PCCB: variants seen among roughly 807,000 people sequenced by gnomAD.
PCCB encodes the protein propionyl-CoA carboxylase beta chain, mitochondrial.
Under a neutral mutation model 60.7 loss-of-function variants are expected in PCCB, and 43 were observed. The ratio of observed to expected loss-of-function variants is 0.71; its 90% confidence interval spans 0.55 to 0.91. The LOEUF (loss-of-function observed/expected upper bound fraction) is 0.91. Among genes scored for constraint, PCCB ranks in the 40% least tolerant of loss-of-function variants. The pLI is 0.00. For synonymous variants in PCCB, 276 were observed against 255.9 expected (o/e 1.08, Z -0.75); for missense variants, 766 against 702.8 (o/e 1.09, Z -1.02).
intron 10 of PCCB, chr3:136,326,337 T>G: frequency 1.4e-6 from 1 of 702,854 alleles, no homozygotes; most frequent in East Asian, 2.7e-5. Flanking sequence ...TTCCATTTCC[T>G]TTACTCCTTG....
At chr3:136,251,316 C>T (rs1249456263) in intron 1 of PCCB, 6 of 456,518 alleles carry the variant, frequency 1.3e-5, no homozygotes, top group Non-Finnish European at 2.2e-5. Flanking sequence ...TGAAACCAGG[C>T]TTGCCCAGTG....
chr3:136,266,811 T>C (rs529370742), intron 5 of PCCB, among the ~76,000 whole-genome samples: 1 of 152,330 alleles, frequency 6.6e-6, no homozygotes, highest in South Asian at 2.1e-4. Flanking sequence ...TCCTTTATCA[T>C]ATATATGATT....
At chr3:136,274,972 G>A (rs1159707137) in intron 5 of PCCB, among the ~76,000 whole-genome samples, 19 of 151,806 alleles carry the variant, frequency 1.3e-4, no homozygotes, top group African/African-American at 2.7e-4. Flanking sequence ...CACCACTCCC[G>A]GCTAATTTTT....
intron 9 of PCCB, among the ~76,000 whole-genome samples, chr3:136,311,119 A>G (rs1934646368): frequency 6.6e-6 from 1 of 152,152 alleles, no homozygotes; most frequent in South Asian, 2.1e-4. Context: ...GCCTTGGGAG[A>G]GATGTCAAGC....
At chr3:136,273,667 C>T (rs1372477954) in intron 5 of PCCB, among the ~76,000 whole-genome samples, 2 of 115,722 alleles carry the variant, frequency 1.7e-5, no homozygotes, top group East Asian at 3.0e-4. Flanking sequence ...AGAATAGCTA[C>T]TTTGCGAGGC....
rs772236578 is a variant in PCCB, at chr3:136,283,866, T to C, written c.573T>C (p.Pro191=). 6.2e-7 allele frequency: 1 copy of C among 1,613,838 alleles called. No homozygotes were observed. Among genetic ancestry groups the C allele is most frequent in the South Asian group, 1.1e-5 (1 of 91,076 alleles). ...ATGTTACGGCATCCGGAGTCATCCC[T>C]CAGATTTCTCTGATCATGGGCCCAT... ...LRNVTASGVI[P]QISLIMGPCA... is the part of the protein sequence containing the mutation. Residue 191 remains proline (P), a synonymous_variant, in exon 6 of 15, where the codon CCT becomes CCC. Coordinates refer to ENST00000251654, the MANE Select transcript of PCCB (RefSeq NM_000532.5).
chr3:136,308,642 T>C (rs1000095054), intron 9 of PCCB, among the ~76,000 whole-genome samples: 1 of 152,196 alleles, frequency 6.6e-6, no homozygotes, highest in Non-Finnish European at 1.5e-5. Flanking sequence ...ATAAATCTTA[T>C]TCTGAAGTGC....
intron 4 of PCCB, among the ~76,000 whole-genome samples, chr3:136,261,196 A>G (rs1329194304): frequency 6.6e-6 from 1 of 152,228 alleles, no homozygotes; most frequent in African/African-American, 2.4e-5. Flanking sequence ...TTGTATGCTG[A>G]TATTTAAAAA....
chr3:136,313,300 CTAAA>C (rs570989719), intron 9 of PCCB, among the ~76,000 whole-genome samples: 59 of 152,288 alleles, frequency 3.9e-4, no homozygotes, highest in Non-Finnish European at 7.1e-4. Flanking sequence ...GCGAGATACT[CTAAA>C]TAACCTAAAT....
At chr3:136,270,428 A>T (rs960088466) in intron 5 of PCCB, among the ~76,000 whole-genome samples, 1 of 152,172 alleles carries the variant, frequency 6.6e-6, no homozygotes, top group African/African-American at 2.4e-5. Flanking sequence ...ACTGGTTATG[A>T]ACTTTTCTGA....
intron 10 of PCCB, among the ~76,000 whole-genome samples, chr3:136,325,303 G>A (rs1325851032): frequency 2.6e-5 from 4 of 151,930 alleles, no homozygotes; most frequent in Non-Finnish European, 5.9e-5. Flanking sequence ...GGACTACATT[G>A]TCTTTTTATT....
intron 7 of PCCB, among the ~76,000 whole-genome samples, chr3:136,296,210 A>G (rs1321626416): frequency 6.6e-6 from 1 of 152,156 alleles, no homozygotes; most frequent in Admixed American, 6.5e-5. Flanking sequence ...ATTTCAGGAC[A>G]TTGTCATCAC....
intron 9 of PCCB, among the ~76,000 whole-genome samples, chr3:136,313,372 C>T (rs1934745200): frequency 6.6e-6 from 1 of 150,894 alleles, no homozygotes; most frequent in Non-Finnish European, 1.5e-5. Flanking sequence ...TTTGGTACAT[C>T]ACACAGTACA....
chr3:136,269,885 C>CAAA (rs1159032335), intron 5 of PCCB, among the ~76,000 whole-genome samples: 14 of 60,476 alleles, frequency 2.3e-4, no homozygotes, highest in East Asian at 1.1e-3. Context: ...GACTCTGTCT[C>CAAA]AAAAAAAAAA....
chr3:136,292,031 C>G (rs1472481042), intron 6 of PCCB, among the ~76,000 whole-genome samples: 1 of 152,150 alleles, frequency 6.6e-6, no homozygotes, highest in Non-Finnish European at 1.5e-5. Flanking sequence ...GGGTTTCTGC[C>G]CTGCAAGGCT....
At chr3:136,275,495 T>C (rs894646747) in intron 5 of PCCB, among the ~76,000 whole-genome samples, 1 of 152,178 alleles carries the variant, frequency 6.6e-6, no homozygotes, top group Non-Finnish European at 1.5e-5. Context: ...GGGGGTATGA[T>C]AGAACCCTGT....
At chr3:136,321,071 A>G (rs1232512934) in intron 10 of PCCB, among the ~76,000 whole-genome samples, 2 of 152,160 alleles carry the variant, frequency 1.3e-5, no homozygotes, top group Admixed American at 1.3e-4. Flanking sequence ...GTCAATTGAG[A>G]TGATCATGTG....
At chr3:136,251,158 C>T (rs1434109025) in intron 1 of PCCB, 2 of 453,028 alleles carry the variant, frequency 4.4e-6, no homozygotes, top group African/African-American at 4.0e-5. Flanking sequence ...AGCAGGTGGC[C>T]TTTCTGGGAG....
chr3:136,284,896 A>G (rs1268298295), intron 6 of PCCB, among the ~76,000 whole-genome samples: 1 of 152,018 alleles, frequency 6.6e-6, no homozygotes, highest in Admixed American at 6.5e-5. Flanking sequence ...AGACCAGCCT[A>G]GGCAACGTAG....
Sources: gnomAD v4.1 joint callset for allele counts (sites outside exome capture counted in the v4.1 genomes callset) on GRCh38, gnomAD v4.1.1 for gene constraint, MANE v1.5 for transcripts, NCBI Gene and HGNC (gene_info 2026-07-23, HGNC 2026-07-21) for gene names.